Variants in CNGA1 observed in about 807,000 individuals in gnomAD.
CNGA1 encodes the protein cyclic nucleotide gated channel subunit alpha 1.
A neutral mutation model predicts 69.7 loss-of-function variants in CNGA1; 53 were observed. That is an observed-to-expected ratio of 0.76 (90% CI 0.61 to 0.96). CNGA1 has a LOEUF of 0.96. CNGA1 is among the 40% of genes least tolerant of loss of function. The pLI is 0.00. For missense variants in CNGA1, 739 were observed against 811.2 expected, an observed-to-expected ratio of 0.91 and a Z score of 1.08; for synonymous variants, 249 against 283.5, an observed-to-expected ratio of 0.88 and a Z score of 1.22.
At chr4:47,974,070 AGATAGAT>A (rs1741200427) in intron 3 of CNGA1, among the ~76,000 whole-genome samples, 1 of 15,044 alleles carries the variant, frequency 6.6e-5, no homozygotes, top group Admixed American at 5.2e-4. Flanking sequence ...CCTGGTCTCT[AGATAGAT>A]AGATAGATAG....
At chr4:47,962,565 TCAGGTTCTTA>T (rs888960411) in intron 3 of CNGA1, among the ~76,000 whole-genome samples, 95 of 152,316 alleles carry the variant, frequency 6.2e-4, no homozygotes, top group African/African-American at 2.2e-3. Context: ...AAGTATTTCC[TCAGGTTCTTA>T]CAGATAAGGA....
At chr4:48,009,934 T>C (rs1048904121) in intron 2 of CNGA1, among the ~76,000 whole-genome samples, 11 of 152,220 alleles carry the variant, frequency 7.2e-5, no homozygotes, top group Non-Finnish European at 1.5e-4. Flanking sequence ...TAGTGAAACA[T>C]TATGTACTCA....
intron 3 of CNGA1, among the ~76,000 whole-genome samples, chr4:47,962,428 A>G (rs1437876174): frequency 6.6e-6 from 1 of 152,168 alleles, no homozygotes; most frequent in Non-Finnish European, 1.5e-5. Flanking sequence ...AAATGAAAAA[A>G]AAAAGTATAC....
intron 3 of CNGA1, among the ~76,000 whole-genome samples, chr4:47,961,861 T>G (rs1740458720): frequency 6.6e-6 from 1 of 152,220 alleles, no homozygotes; most frequent in Non-Finnish European, 1.5e-5. Context: ...GAAGTGATAA[T>G]AAAGTTATTA....
intron 2 of CNGA1, among the ~76,000 whole-genome samples, chr4:48,006,731 C>T (rs1714935689): frequency 6.6e-6 from 1 of 152,076 alleles, no homozygotes; most frequent in Non-Finnish European, 1.5e-5. Flanking sequence ...AAGTGATTCT[C>T]CTGCCTCAGC....
rs1715394446 is a variant in CNGA1 at position 48,016,593 on chromosome 4, G to A, written c.-333C>T. On this transcript the variant is annotated 5_prime_UTR_variant, in exon 1 of 11. Coordinates refer to ENST00000514170, the MANE Select transcript of CNGA1 (RefSeq NM_001379270.1). ...CAAGGGGCAGCTGCTACTCCTGCCA[G>A]ATACACCAGTTATCACAGGCCGCTC... 12 of 525,174 alleles carry A rather than the reference G, an allele frequency of 2.3e-5. No homozygotes were observed. The East Asian group carries it at 3.4e-4, about 15-fold the overall frequency. 32.5% of individuals were successfully genotyped at this position (525,174 alleles called of 1,614,324 possible).
intron 2 of CNGA1, among the ~76,000 whole-genome samples, chr4:47,981,788 A>C (rs1432319685): frequency 2.0e-5 from 3 of 152,220 alleles, no homozygotes; most frequent in Admixed American, 1.3e-4. Flanking sequence ...AACCACATGT[A>C]CTATTGCCTG....
chr4:47,962,162 AGTGAAACCCT>A (rs1358498613), intron 3 of CNGA1, among the ~76,000 whole-genome samples: 3 of 151,968 alleles, frequency 2.0e-5, no homozygotes, highest in Non-Finnish European at 4.4e-5. Flanking sequence ...TGGCCAACAT[AGTGAAACCCT>A]GTCTCTACTA....
intron 3 of CNGA1, among the ~76,000 whole-genome samples, chr4:47,964,676 C>T (rs571776335): frequency 3.5e-4 from 53 of 152,106 alleles, no homozygotes; most frequent in Non-Finnish European, 6.0e-4. Flanking sequence ...CATCTTTTCC[C>T]TACTGATCTG....
chr4:47,986,673 T>C (rs961232147), intron 2 of CNGA1, among the ~76,000 whole-genome samples: 3 of 152,112 alleles, frequency 2.0e-5, no homozygotes, highest in African/African-American at 7.2e-5. Flanking sequence ...CTGGGCACTT[T>C]TCTACGAGGC....
chr4:48,004,535 G>A (rs1016537205), intron 2 of CNGA1, among the ~76,000 whole-genome samples: 8 of 152,256 alleles, frequency 5.3e-5, no homozygotes, highest in African/African-American at 1.4e-4. Flanking sequence ...GGTTTTGTCC[G>A]ATCTCTCATG....
At chr4:47,948,335 G>A (rs953768747) in intron 6 of CNGA1, among the ~76,000 whole-genome samples, 2 of 152,144 alleles carry the variant, frequency 1.3e-5, no homozygotes, top group African/African-American at 4.8e-5. Flanking sequence ...TATACTCTAG[G>A]AAGAAAAGGT....
chr4:47,982,984 A>G (rs995602382), intron 2 of CNGA1, among the ~76,000 whole-genome samples: 7 of 152,052 alleles, frequency 4.6e-5, no homozygotes, highest in African/African-American at 1.4e-4. Flanking sequence ...TTGTATTTTT[A>G]GTAGAGATGG....
intron 2 of CNGA1, among the ~76,000 whole-genome samples, chr4:48,000,557 G>A (rs908704123): frequency 8.6e-5 from 13 of 152,038 alleles, no homozygotes; most frequent in African/African-American, 1.9e-4. Context: ...TAGTAGATAC[G>A]GGGCTTCTCC....
At chr4:47,960,385 C>T (rs541101259) in intron 3 of CNGA1, among the ~76,000 whole-genome samples, 1 of 152,228 alleles carries the variant, frequency 6.6e-6, no homozygotes, top group South Asian at 2.1e-4. Context: ...TGTATTTACT[C>T]AATTTAAGAT....
chr4:47,969,574 A>G (rs931293682), intron 3 of CNGA1, among the ~76,000 whole-genome samples: 2 of 151,932 alleles, frequency 1.3e-5, no homozygotes, highest in Non-Finnish European at 2.9e-5. Flanking sequence ...GGTTCAAGCA[A>G]TTCTCCTGCC....
At position 47,943,604 on chromosome 4, in the gene CNGA1, A is replaced by T. The variant is rs1739225558; in HGVS notation, c.288-192T>A. On this transcript the variant is annotated intron_variant, in intron 6 of 10. Coordinates refer to ENST00000514170, the MANE Select transcript of CNGA1 (RefSeq NM_001379270.1). ...GGGCAGACAATTATCCAGATAATAA[A>T]CAAGAACTTCTAAGCTAATAGATTT... 2.0e-5 allele frequency among the ~76,000 whole-genome samples: 3 copies of T among 152,200 alleles called. No homozygotes were observed. In the South Asian group the frequency reaches 6.2e-4, roughly 31 times the overall value.
At chr4:47,997,624 A>C (rs946988803) in intron 2 of CNGA1, among the ~76,000 whole-genome samples, 4 of 152,148 alleles carry the variant, frequency 2.6e-5, no homozygotes, top group African/African-American at 9.6e-5. Flanking sequence ...CTTCTCAGAA[A>C]AATACTAAAT....
rs765030943 is a variant in CNGA1, at chr4:47,936,455, G to A, written c.2027C>T (p.Pro676Leu). Residue 676 changes from proline to leucine, a missense_variant, in exon 11 of 11, where the codon CCT becomes CTT. Transcript: ENST00000514170. Reference sequence around the variant, plus strand: ...GTCGATGGGCCCACTTTCCGCTCCAGGTCCCTCAATACTTGAAAATTCTGT... The same window carrying A: ...GTCGATGGGCCCACTTTCCGCTCCAAGTCCCTCAATACTTGAAAATTCTGT... ...IDTEFSSIEG[P>L]GAESGPIDST is the part of the protein sequence containing the mutation. 1.2e-6 allele frequency: 2 copies of A among 1,614,098 alleles called. No homozygotes were observed. Among genetic ancestry groups the A allele is most frequent in the Non-Finnish European group, 1.7e-6 (2 of 1,180,024 alleles).
Sources: gnomAD v4.1 joint callset for allele counts (sites outside exome capture counted in the v4.1 genomes callset) on GRCh38, gnomAD v4.1.1 for gene constraint, MANE v1.5 for transcripts, NCBI Gene and HGNC (gene_info 2026-07-23, HGNC 2026-07-21) for gene names.